CNTN5: variants seen among roughly 807,000 people sequenced by gnomAD.
CNTN5 encodes the protein contactin 5.
Under a neutral mutation model 129.1 loss-of-function variants are expected in CNTN5, and 77 were observed. The observed-to-expected ratio is 0.60, with a 90% CI of 0.50 to 0.72. The LOEUF is 0.72. CNTN5 is among the 30% of genes least tolerant of loss of function. The pLI, the probability that CNTN5 is intolerant of heterozygous loss-of-function variation, is 0.00. For synonymous variants in CNTN5, 509 were observed against 465.6 expected (o/e 1.09, Z -1.20); for missense variants, 1,478 against 1,328.8 (o/e 1.11, Z -1.75).
rs187412327 is a variant in CNTN5, at chr11:99,465,810, G to T, written c.-70-90335G>T. Among the ~76,000 whole-genome samples the T allele has an allele frequency of 3.1e-3, 472 of 151,076 alleles. 1 individual carries two copies. Among genetic ancestry groups the T allele is most frequent in the African/African-American group, 9.9e-3 (409 of 41,228 alleles). On this transcript the variant is annotated intron_variant, in intron 2 of 24. Transcript: ENST00000524871. ...AAAATTGTGGTGGAAGGCAAAGGGG[G>T]AAGCAGGCATGTCTTACGTGGCCGG...
rs879434698 is a variant in CNTN5 at position 99,889,319 on chromosome 11, TGTGTGTGTGTGTGTG to T, written c.578-26734_578-26720del. ...GTGTGTGTGTGTGTGTGTGTGTGTG[TGTGTGTGTGTGTGTG>T]TGTGTGTGTGTGTGTGTGTGTGTAT... On this transcript the variant is annotated intron_variant, in intron 6 of 24. Coordinates refer to ENST00000524871, the MANE Select transcript of CNTN5 (RefSeq NM_014361.4). Among the ~76,000 whole-genome samples the T allele has an allele frequency of 9.4e-4, 136 of 145,370 alleles. 3 individuals carry two copies. Among genetic ancestry groups the T allele is most frequent in the Middle Eastern group, 6.9e-3 (2 of 288 alleles).
intron 21 of CNTN5, among the ~76,000 whole-genome samples, chr11:100,339,843 T>C (rs1020015358): frequency 6.6e-6 from 1 of 152,192 alleles, no homozygotes; most frequent in African/African-American, 2.4e-5. Flanking sequence ...CCAGTTACCA[T>C]AAGCTCCTAA....
intron 13 of CNTN5, among the ~76,000 whole-genome samples, chr11:100,172,421 C>A (rs1035565307): frequency 1.3e-5 from 2 of 151,890 alleles, no homozygotes; most frequent in African/African-American, 4.8e-5. Flanking sequence ...AAATTTCAGT[C>A]TAGGGAAAAC....
intron 8 of CNTN5, among the ~76,000 whole-genome samples, chr11:99,999,519 G>A (rs2137459895): frequency 6.6e-6 from 1 of 152,318 alleles, no homozygotes; most frequent in African/African-American, 2.4e-5. Context: ...AGGTGCTGGA[G>A]AGGATGTGGA....
intron 4 of CNTN5, among the ~76,000 whole-genome samples, chr11:99,841,458 G>A (rs1442793209): frequency 6.6e-6 from 1 of 151,924 alleles, no homozygotes; most frequent in African/African-American, 2.4e-5. Context: ...TAAGAAGCTT[G>A]GAGTTTTCAG....
At chr11:99,712,280 T>C (rs958369068) in intron 3 of CNTN5, among the ~76,000 whole-genome samples, 6 of 152,204 alleles carry the variant, frequency 3.9e-5, no homozygotes, top group South Asian at 2.1e-4. Context: ...ATGTATTCTT[T>C]AGAGAAGTGT....
At chr11:99,639,904 C>T (rs1951709122) in intron 3 of CNTN5, among the ~76,000 whole-genome samples, 1 of 152,056 alleles carries the variant, frequency 6.6e-6, no homozygotes, top group South Asian at 2.1e-4. Context: ...GAAATTTCTT[C>T]TGCCAGATAC....
At chr11:100,052,027 TA>T (rs1373000799) in intron 9 of CNTN5, among the ~76,000 whole-genome samples, 1 of 151,912 alleles carries the variant, frequency 6.6e-6, no homozygotes, top group Non-Finnish European at 1.5e-5. Context: ...AGAAATTATA[TA>T]ACGTGGCCAA....
intron 18 of CNTN5, among the ~76,000 whole-genome samples, chr11:100,291,509 CA>C (rs1429487839): frequency 1.3e-5 from 2 of 148,180 alleles, no homozygotes; most frequent in East Asian, 4.1e-4. Flanking sequence ...ATCGCAAGAA[CA>C]AAAAACCAAA....
chr11:99,666,185 C>T (rs1274786529), intron 3 of CNTN5, among the ~76,000 whole-genome samples: 1 of 152,154 alleles, frequency 6.6e-6, no homozygotes, highest in East Asian at 1.9e-4. Flanking sequence ...CCAGGCTAGC[C>T]TCGAACTCCT....
intron 1 of CNTN5, among the ~76,000 whole-genome samples, chr11:99,258,107 T>C (rs973680171): frequency 6.6e-6 from 1 of 152,088 alleles, no homozygotes; most frequent in Admixed American, 6.6e-5. Context: ...CAATCTCAAA[T>C]GTCCCGTGTT....
At chr11:99,482,392 G>C (rs1368614393) in intron 2 of CNTN5, among the ~76,000 whole-genome samples, 1 of 152,094 alleles carries the variant, frequency 6.6e-6, no homozygotes, top group Non-Finnish European at 1.5e-5. Context: ...TTCTCAACTA[G>C]TATCATTTTA....
chr11:99,310,817 A>G (rs191068728), intron 1 of CNTN5, among the ~76,000 whole-genome samples: 1 of 152,304 alleles, frequency 6.6e-6, no homozygotes, highest in East Asian at 1.9e-4. Flanking sequence ...ATCACAATTC[A>G]TATTTGGTGA....
chr11:99,333,329 CAGAT>C (rs1175923415), intron 2 of CNTN5, among the ~76,000 whole-genome samples: 1 of 151,966 alleles, frequency 6.6e-6, no homozygotes, highest in Non-Finnish European at 1.5e-5. Flanking sequence ...TACAATAAAA[CAGAT>C]AGGTTTCAGG....
chr11:99,026,758 GC>G (rs1033175907), intron 1 of CNTN5, among the ~76,000 whole-genome samples: 6 of 151,524 alleles, frequency 4.0e-5, no homozygotes, highest in African/African-American at 1.4e-4. Flanking sequence ...TGCAAGTAAT[GC>G]AAAAGATGGA....
At chr11:100,104,112 T>TG (rs1284845867) in intron 13 of CNTN5, among the ~76,000 whole-genome samples, 1 of 150,978 alleles carries the variant, frequency 6.6e-6, no homozygotes, top group Admixed American at 6.6e-5. Flanking sequence ...TTTTTTTTTT[T>TG]GAGGCAGAGT....
chr11:99,435,138 C>A (rs1237740952), intron 2 of CNTN5, among the ~76,000 whole-genome samples: 1 of 151,980 alleles, frequency 6.6e-6, no homozygotes, highest in Non-Finnish European at 1.5e-5. Context: ...TGTAATATCA[C>A]AACATGATAT....
intron 16 of CNTN5, among the ~76,000 whole-genome samples, chr11:100,237,398 A>G (rs758384743): frequency 8.5e-5 from 13 of 152,096 alleles, no homozygotes; most frequent in Non-Finnish European, 1.6e-4. Flanking sequence ...ATTTGGTGTA[A>G]CACTACATAC....
Position 99,984,198 on chromosome 11 carries a change from A to G in CNTN5, c.878-17836A>G, listed in dbSNP as rs1309983034. ...AGTCTGAGTCGAGAGAATCGCTTGA[A>G]CCAAGGAGGTGGAGGCTGCAGTGAG... is the stretch of plus-strand genomic sequence containing the variant. On this transcript the variant is annotated intron_variant, in intron 8 of 24. Coordinates refer to ENST00000524871, the MANE Select transcript of CNTN5 (RefSeq NM_014361.4). Among the ~76,000 whole-genome samples the G allele has an allele frequency of 3.9e-5, 6 of 152,182 alleles. No homozygotes were observed. The East Asian group carries it at 1.2e-3, about 30-fold the overall frequency.
Sources: gnomAD v4.1 joint callset for allele counts (sites outside exome capture counted in the v4.1 genomes callset) on GRCh38, gnomAD v4.1.1 for gene constraint, MANE v1.5 for transcripts, NCBI Gene and HGNC (gene_info 2026-07-23, HGNC 2026-07-21) for gene names.